The following SPATA19 variants were observed in gnomAD, a reference collection of about 807,000 sequenced individuals.
SPATA19 encodes spermatogenesis-associated protein 19, mitochondrial.
A neutral mutation model predicts 25.0 loss-of-function variants in SPATA19; 19 were observed. The ratio of observed to expected loss-of-function variants is 0.76; its 90% confidence interval spans 0.53 to 1.11. The LOEUF is 1.11. Ranked by LOEUF, SPATA19 falls within the 50% of genes most tolerant of loss-of-function variation. The pLI is 0.00. For missense variants in SPATA19, 222 were observed against 211.4 expected (o/e 1.05, Z -0.31); for synonymous variants, 64 against 69.3 (o/e 0.92, Z 0.38).
rs142927552 is a variant in SPATA19, at chr11:133,844,549, G to A, written c.227C>T (p.Pro76Leu). Residue 76 changes from proline (P) to leucine (L), a missense_variant, in exon 3 of 7, where the codon CCT becomes CTT. Physicochemically the swap from Pro to Leu is moderately conservative, Grantham distance 98. Transcript: ENST00000299140. Reference sequence around the variant, plus strand: ...GTGGATGTCCTGGCCATGGGTGGGAGGGGAGTCAGTGGACATCTTCTCCCT... The same window carrying A: ...GTGGATGTCCTGGCCATGGGTGGGAAGGGAGTCAGTGGACATCTTCTCCCT... Reference protein sequence around the residue: ...GVREKMSTDSPPTHGQDIHVT... With the variant: ...GVREKMSTDSLPTHGQDIHVT... 15 of 1,614,160 alleles carry A rather than the reference G, an allele frequency of 9.3e-6. No individual in the cohort carries two copies. The African/African-American group carries it at 1.7e-4, about 19-fold the overall frequency.
In SPATA19 at chr11:133,844,248, C is replaced by T; in HGVS notation, c.357G>A (p.Trp119Ter). 6.2e-7 allele frequency: 1 copy of T among 1,614,016 alleles called. No individual in the cohort carries two copies. The highest frequency in any genetic ancestry group is 8.5e-7 in the Non-Finnish European group (1 of 1,179,894). Residue 119 changes from tryptophan to a stop codon, truncating the protein, a stop_gained and splice_region_variant, in exon 4 of 7, where the codon TGG (tryptophan) becomes TGA (stop). Transcript: ENST00000299140. LOFTEE classifies it high-confidence loss of function. ...EERTRIQFIR[W>*]SHTRIFQVPS... is the part of the protein sequence containing the mutation. ...CCAGGGCAAGTGGGACACCTTACCT[C>T]CATCTTATGAACTGGATTCGTGTTC...
intron 4 of SPATA19, among the ~76,000 whole-genome samples, chr11:133,842,846 G>C (rs921670287): frequency 6.6e-6 from 1 of 152,036 alleles, no homozygotes; most frequent in Non-Finnish European, 1.5e-5. Flanking sequence ...CAGTGGTCTC[G>C]TGAGCCGTGG....
chr11:133,836,831 G>A (rs1167934580), downstream of SPATA19, among the ~76,000 whole-genome samples: 1 of 152,078 alleles, frequency 6.6e-6, no homozygotes, highest in African/African-American at 2.4e-5. Context: ...GTATTCCCAG[G>A]GCTGGTCTGG....
chr11:133,842,128 G>A (rs1938322161), intron 5 of SPATA19, 23 bp from the exon 6 acceptor site: 2 of 1,612,254 alleles, frequency 1.2e-6, no homozygotes, highest in Admixed American at 1.7e-5. Context: ...GAGGAGAAGG[G>A]CCAGGTGGAG....
intron 6 of SPATA19, among the ~76,000 whole-genome samples, chr11:133,841,757 G>C (rs2723598): frequency 6.6e-6 from 1 of 152,004 alleles, no homozygotes; most frequent in Admixed American, 6.5e-5. Flanking sequence ...ACGAAAGCCC[G>C]GGCCCATGAA....
Position 133,842,108 on chromosome 11 carries a change from G to T in SPATA19, c.438-3C>A, listed in dbSNP as rs1938321652. ...AGACATCTGTAAGACGGGATATGCT[G>T]CAGGGGACAGAGGAGAAGGGCCAGG... On this transcript the variant is annotated splice_polypyrimidine_tract_variant and splice_region_variant and intron_variant, in intron 5 of 6. Transcript: ENST00000299140. 1 of 1,613,978 alleles carries T rather than the reference G, an allele frequency of 6.2e-7. No homozygotes were observed. Among genetic ancestry groups the T allele is most frequent in the Admixed American group, 1.7e-5 (1 of 60,036 alleles).
chr11:133,845,125 C>T lies in SPATA19; in HGVS notation c.135+9G>A. The T allele has an allele frequency of 5.0e-6, 8 of 1,612,642 alleles. No homozygotes were observed. The highest frequency in any genetic ancestry group is 6.8e-6 in the Non-Finnish European group (8 of 1,178,862). On this transcript the variant is annotated intron_variant, in intron 2 of 6. Transcript: ENST00000299140. ...TGGATATCCTGAGTCATAAAGAAAT[C>T]TTACTCACTTTTTTCAACCAATGAT...
At chr11:133,842,782 G>C (rs1042008668) in intron 4 of SPATA19, among the ~76,000 whole-genome samples, 1 of 151,964 alleles carries the variant, frequency 6.6e-6, no homozygotes, top group African/African-American at 2.4e-5. Flanking sequence ...GTAGCAGACT[G>C]TCCCGGGGAG....
chr11:133,844,295 T>G lies in SPATA19; in HGVS notation c.310A>C (p.Ser104Arg). The change falls in exon 4 of 7, where the codon AGC (serine) becomes CGC (arginine). Residue 104 changes from serine (S) to arginine (R), a missense_variant. Transcript: ENST00000299140. The stretch of plus-strand genomic sequence containing the variant: ...GTTCTCTCCTCTAGGACCTCTTGGC[T>G]CTGGTTTGCCAACAAATCAGACTTA... ...LSKSDLLANQ[S>R]QEVLEERTRI... 6.2e-7 allele frequency: 1 copy of G among 1,614,184 alleles called. No individual in the cohort carries two copies. Among genetic ancestry groups the G allele is most frequent in the South Asian group, 1.1e-5 (1 of 91,080 alleles).
chr11:133,844,471 A>ACC (rs1485874074), intron 3 of SPATA19, 38 bp downstream of exon 3: 8 of 1,613,378 alleles, frequency 5.0e-6, no homozygotes, highest in Middle Eastern at 1.6e-4. Context: ...CCTCTCCCTC[A>ACC]CCGCTACTCC....
chr11:133,843,536 C>A (rs1938354525), intron 4 of SPATA19, among the ~76,000 whole-genome samples: 2 of 152,174 alleles, frequency 1.3e-5, no homozygotes, highest in Admixed American at 1.3e-4. Flanking sequence ...TACAACAGAT[C>A]AACATCGATG....
chr11:133,842,418 C>G, intron 5 of SPATA19, 67 bp downstream of exon 5: 1 of 1,284,690 alleles, frequency 7.8e-7, no homozygotes, highest in Non-Finnish European at 1.1e-6. Flanking sequence ...GCGGGAAACC[C>G]AGCAGTCACC....
At chr11:133,838,006 G>A (rs1453505447), downstream of SPATA19, among the ~76,000 whole-genome samples, 2 of 152,112 alleles carry the variant, frequency 1.3e-5, no homozygotes, top group Non-Finnish European at 2.9e-5. Flanking sequence ...CTCCCAGCCA[G>A]GTAAACATAC....
downstream of SPATA19, among the ~76,000 whole-genome samples, chr11:133,836,346 G>T (rs1330577273): frequency 6.6e-6 from 1 of 152,174 alleles, no homozygotes; most frequent in East Asian, 1.9e-4. Context: ...AAGGTGGTGG[G>T]GAGAGAAAGT....
downstream of SPATA19, among the ~76,000 whole-genome samples, chr11:133,836,842 G>C (rs1387843407): frequency 6.6e-6 from 1 of 152,110 alleles, no homozygotes; most frequent in East Asian, 1.9e-4. Flanking sequence ...GCTGGTCTGG[G>C]GTGCACACAC....
Position 133,845,404 on chromosome 11 carries a change from C to A in SPATA19, c.43G>T (p.Gly15Cys). The A allele has an allele frequency of 2.5e-6, 4 of 1,614,146 alleles. No individual in the cohort carries two copies. The highest frequency in any genetic ancestry group is 3.4e-6 in the Non-Finnish European group (4 of 1,180,010). ...TWIVYILARK[G>C]VGLPFLPITS... ...ATTGGTAGGAAGGGAAGCCCTACAC[C>A]TTTCCGAGCAAGAATATACACAATC... Residue 15 changes from glycine to cysteine, a missense_variant, in exon 1 of 7, where the codon GGT (glycine) becomes TGT (cysteine). Gly to Cys is a radical substitution (Grantham distance 159). Transcript: ENST00000299140.
chr11:133,844,524 G>A lies in SPATA19; in HGVS notation c.252C>T (p.His84=), dbSNP rs755422480. The A allele has an allele frequency of 1.1e-5, 17 of 1,614,022 alleles. No individual in the cohort carries two copies. The highest frequency in any genetic ancestry group is 2.7e-5 in the African/African-American group (2 of 74,910). Residue 84 remains histidine (H), a synonymous_variant, in exon 3 of 7, where the codon CAC becomes CAT. Coordinates refer to ENST00000299140, the MANE Select transcript of SPATA19 (RefSeq NM_174927.3). Reference sequence around the variant, plus strand: ...TCTCATTTACCACATCTCTGGTCACGTGGATGTCCTGGCCATGGGTGGGAG... The same window carrying A: ...TCTCATTTACCACATCTCTGGTCACATGGATGTCCTGGCCATGGGTGGGAG... ...DSPPTHGQDI[H]VTRDVVKHHL...
chr11:133,844,422 C>T (rs1938375392), intron 3 of SPATA19, 85 bp from the exon 4 acceptor site: 10 of 1,612,006 alleles, frequency 6.2e-6, no homozygotes, highest in South Asian at 4.4e-5. Flanking sequence ...GCACCTCACC[C>T]TTGCCCAGAA....
At chr11:133,839,969 AAAT>A (rs1052814074), downstream of SPATA19, among the ~76,000 whole-genome samples, 1 of 151,988 alleles carries the variant, frequency 6.6e-6, no homozygotes, top group African/African-American at 2.4e-5. Flanking sequence ...TAAATGCAAA[AAAT>A]AATAATAATA....
Sources: allele counts gnomAD v4.1 joint callset (sites outside exome capture counted in the v4.1 genomes callset), GRCh38; gene constraint gnomAD v4.1.1; transcripts MANE v1.5; gene names NCBI Gene and HGNC (gene_info 2026-07-23, HGNC 2026-07-21).